RPGRIP1L: variants seen among roughly 807,000 people sequenced by gnomAD.
RPGRIP1L encodes the protein protein fantom.
A neutral mutation model predicts 160.4 loss-of-function variants in RPGRIP1L; 131 were observed. The observed-to-expected ratio is 0.82, with a 90% CI of 0.71 to 0.94. The LOEUF (loss-of-function observed/expected upper bound fraction) is 0.94, where lower values mean the gene tolerates loss of function less well. Ranked by LOEUF, RPGRIP1L falls within the 40% of genes least tolerant of loss-of-function variation. The pLI is 0.00. For synonymous variants in RPGRIP1L, 510 were observed against 515.8 expected (o/e 0.99, Z 0.15); for missense variants, 1,522 against 1,535.8 (o/e 0.99, Z 0.15).
chr16:53,661,267 A>G (rs1423663557), intron 10 of RPGRIP1L, among the ~76,000 whole-genome samples: 1 of 151,728 alleles, frequency 6.6e-6, no homozygotes, highest in African/African-American at 2.4e-5. Context: ...ACTGCACTCC[A>G]GCCTGGGCAA....
intron 26 of RPGRIP1L, among the ~76,000 whole-genome samples, chr16:53,604,188 T>A (rs1963537112): frequency 2.0e-5 from 3 of 152,234 alleles, no homozygotes; most frequent in African/African-American, 7.2e-5. Flanking sequence ...TTATAAAGAT[T>A]TCCCAGAAGA....
rs776795273 is a variant in RPGRIP1L at position 53,641,349 on chromosome 16, C to T, written c.2810G>A (p.Arg937His). Residue 937 changes from arginine (R) to histidine (H), a missense_variant, in exon 18 of 27, where the codon CGC (arginine) becomes CAC (histidine). Arg to His is a conservative substitution (Grantham distance 29). Transcript: ENST00000647211. Reference protein sequence around the residue: ...ITTEDLGNFIRSEEPEVVQRL... With the variant: ...ITTEDLGNFIHSEEPEVVQRL... Reference sequence around the variant, plus strand: ...TTGAACAACTTCTGGCTCTTCGCTGCGAATGAAATTTCCTAAGTCTTCAGT... The same window carrying T: ...TTGAACAACTTCTGGCTCTTCGCTGTGAATGAAATTTCCTAAGTCTTCAGT... 2.5e-5 allele frequency: 41 copies of T among 1,613,902 alleles called. No individual in the cohort carries two copies. Among genetic ancestry groups the T allele is most frequent in the East Asian group, 6.7e-5 (3 of 44,872 alleles).
Position 53,599,041 on chromosome 16 carries a change from CAT to C in RPGRIP1L, c.*3033_*3034del, listed in dbSNP as rs1805873042. ...AATGTTAATCAGATTCTTGTTAGAACATGTGTAAGAACTGGTTTTCATTTTCA... is the reference window on the plus strand; with the variant it reads ...AATGTTAATCAGATTCTTGTTAGAACGTGTAAGAACTGGTTTTCATTTTCA... On this transcript the variant is annotated 3_prime_UTR_variant, in exon 27 of 27. Transcript: ENST00000647211. 1.3e-5 allele frequency: 2 copies of C among 152,180 alleles called. No individual in the cohort carries two copies. Among genetic ancestry groups the C allele is most frequent in the South Asian group, 4.1e-4 (2 of 4,826 alleles). 9.4% of individuals were successfully genotyped at this position (152,180 alleles called of 1,614,324 possible). A position where few individuals can be genotyped will look rare whatever the true frequency, so the allele number is the denominator to read the frequency against.
In RPGRIP1L at chr16:53,619,012, G is replaced by A; in HGVS notation, c.3616+13C>T. ...AAACATAAAAGTCTATATTACAAATGAATCATACATACCATTGCTATAGTT... is the reference window on the plus strand; with the variant it reads ...AAACATAAAAGTCTATATTACAAATAAATCATACATACCATTGCTATAGTT... On this transcript the variant is annotated intron_variant, in intron 24 of 26. Transcript: ENST00000647211. 6.3e-7 allele frequency: 1 copy of A among 1,596,528 alleles called. No individual in the cohort carries two copies. The highest frequency in any genetic ancestry group is 8.6e-7 in the Non-Finnish European group (1 of 1,164,158).
chr16:53,603,722 A>C (rs1963508482), intron 26 of RPGRIP1L, among the ~76,000 whole-genome samples: 2 of 149,246 alleles, frequency 1.3e-5, no homozygotes, highest in Non-Finnish European at 3.0e-5. Flanking sequence ...AATTCCAAGA[A>C]AATTTGTTAG....
intron 24 of RPGRIP1L, 27 bp downstream of exon 24, chr16:53,618,998 T>G (rs778485323): frequency 6.4e-7 from 1 of 1,551,768 alleles, no homozygotes; most frequent in Admixed American, 1.7e-5. Flanking sequence ...AACATAAAAG[T>G]CTATATTACA....
intron 17 of RPGRIP1L, 63 bp from the exon 18 acceptor site, chr16:53,641,538 G>T: frequency 7.2e-7 from 1 of 1,379,926 alleles, no homozygotes; most frequent in Non-Finnish European, 1.0e-6. Context: ...AAGAATTAAA[G>T]AACAAAGAAC....
chr16:53,663,311 G>A (rs1303048617), intron 10 of RPGRIP1L, among the ~76,000 whole-genome samples: 1 of 151,762 alleles, frequency 6.6e-6, no homozygotes, highest in Non-Finnish European at 1.5e-5. Context: ...ACAATAAACA[G>A]GTCTAACAAA....
chr16:53,648,718 G>A (rs540072225), intron 16 of RPGRIP1L, among the ~76,000 whole-genome samples: 1 of 151,212 alleles, frequency 6.6e-6, no homozygotes, highest in South Asian at 2.1e-4. Flanking sequence ...TAATAGTATT[G>A]TCCCGATTTT....
At chr16:53,651,370 G>A (rs1386384583) in intron 15 of RPGRIP1L, among the ~76,000 whole-genome samples, 1 of 152,078 alleles carries the variant, frequency 6.6e-6, no homozygotes, top group African/African-American at 2.4e-5. Context: ...AATAGCCTGA[G>A]AACGGTCCTA....
Position 53,601,001 on chromosome 16 carries a change from T to C in RPGRIP1L, c.*1075A>G, listed in dbSNP as rs917637921. On this transcript the variant is annotated 3_prime_UTR_variant, in exon 27 of 27. Transcript: ENST00000647211. ...AAAATCCTTTGAAGAAAATGACAAA[T>C]AAAAAAGTAAATTAAAAAATGAAAT... is the stretch of plus-strand genomic sequence containing the variant. 6.6e-6 allele frequency: 1 copy of C among 152,408 alleles called. No individual in the cohort carries two copies. The highest frequency in any genetic ancestry group is 1.5e-5 in the Non-Finnish European group (1 of 67,958). 9.4% of individuals were successfully genotyped at this position (152,408 alleles called of 1,614,324 possible).
At chr16:53,625,292 AGCCGCCCATC>A (rs1220776646) in intron 22 of RPGRIP1L, among the ~76,000 whole-genome samples, 1 of 146,284 alleles carries the variant, frequency 6.8e-6, no homozygotes, top group Non-Finnish European at 1.5e-5. Context: ...CGTCTCTGCC[AGCCGCCCATC>A]GTCTGGGATG....
chr16:53,683,258 T>C (rs1435043722), intron 6 of RPGRIP1L, among the ~76,000 whole-genome samples: 2 of 151,864 alleles, frequency 1.3e-5, no homozygotes. Context: ...ATCAAACTTG[T>C]TGGAAAGGAG....
intron 12 of RPGRIP1L, among the ~76,000 whole-genome samples, chr16:53,657,962 AAAG>A (rs1967410295): frequency 6.6e-6 from 1 of 152,120 alleles, no homozygotes; most frequent in South Asian, 2.1e-4. Context: ...CTGTGATGTA[AAAG>A]AAGTGTTTTT....
chr16:53,692,439 T>C, intron 3 of RPGRIP1L, 75 bp from the exon 4 acceptor site: 1 of 1,398,930 alleles, frequency 7.1e-7, no homozygotes, highest in Non-Finnish European at 1.0e-6. Flanking sequence ...AGGAACATAA[T>C]CACTGTGAAG....
intron 6 of RPGRIP1L, among the ~76,000 whole-genome samples, chr16:53,677,629 G>C (rs548747454): frequency 6.6e-6 from 1 of 152,192 alleles, no homozygotes; most frequent in South Asian, 2.1e-4. Context: ...TATGGTACAA[G>C]AATAATGGGA....
intron 25 of RPGRIP1L, among the ~76,000 whole-genome samples, chr16:53,607,790 T>C (rs1029568075): frequency 1.3e-5 from 2 of 152,042 alleles, no homozygotes; most frequent in Non-Finnish European, 2.9e-5. Flanking sequence ...AAAAATGAGA[T>C]GTCAAAAACA....
At chr16:53,609,059 T>C (rs898415111) in intron 25 of RPGRIP1L, among the ~76,000 whole-genome samples, 3 of 152,142 alleles carry the variant, frequency 2.0e-5, no homozygotes, top group African/African-American at 7.2e-5. Context: ...GAAACAACCA[T>C]GGGAGAGTGG....
At chr16:53,672,484 T>TAATGCAG (rs1293833940) in intron 8 of RPGRIP1L, among the ~76,000 whole-genome samples, 1 of 152,206 alleles carries the variant, frequency 6.6e-6, no homozygotes, top group African/African-American at 2.4e-5. Context: ...AAATTACTGA[T>TAATGCAG]AATGCAGAAT....
Sources: gnomAD v4.1 joint callset for allele counts (sites outside exome capture counted in the v4.1 genomes callset) on GRCh38, gnomAD v4.1.1 for gene constraint, MANE v1.5 for transcripts, NCBI Gene and HGNC (gene_info 2026-07-23, HGNC 2026-07-21) for gene names.